PRUNE1: variants seen among roughly 807,000 people sequenced by gnomAD.
PRUNE1 encodes exopolyphosphatase PRUNE1.
Under a neutral mutation model 42.5 loss-of-function variants are expected in PRUNE1, and 25 were observed. That is an observed-to-expected ratio of 0.59 (90% CI 0.43 to 0.82). The LOEUF is 0.82. Among genes scored for constraint, PRUNE1 ranks in the 40% least tolerant of loss-of-function variants. PRUNE1 has a pLI of 0.00. For missense variants in PRUNE1, 443 were observed against 539.3 expected, an observed-to-expected ratio of 0.82 and a Z score of 1.77; for synonymous variants, 203 against 217.1, an observed-to-expected ratio of 0.93 and a Z score of 0.57.
At chr1:151,012,012 C>T (rs1161298238) in intron 1 of PRUNE1, among the ~76,000 whole-genome samples, 3 of 152,012 alleles carry the variant, frequency 2.0e-5, no homozygotes, top group Non-Finnish European at 4.4e-5. Context: ...CTCTTGACCT[C>T]GTGGTCGGCC....
chr1:151,022,578 A>G (rs1038597700), intron 3 of PRUNE1, among the ~76,000 whole-genome samples: 73 of 150,202 alleles, frequency 4.9e-4, no homozygotes, highest in Non-Finnish European at 7.8e-4. Context: ...CCGCCACCAC[A>G]CCTGGCTAAT....
Position 151,034,215 on chromosome 1 carries a change from C to CA in PRUNE1, c.1343_1344insA (p.Ser449LeufsTer16). The stretch of plus-strand genomic sequence containing the variant: ...ATCTCACTGTCACAGTCTACCACAG[C>CA]CTCCCTGTCCAAGAAGTGACTGTTG... On this transcript the variant is annotated frameshift_variant, in exon 8 of 8. Coordinates refer to ENST00000271620, the MANE Select transcript of PRUNE1 (RefSeq NM_021222.3). LOFTEE classifies it high-confidence loss of function. 1.2e-6 allele frequency: 2 copies of CA among 1,611,032 alleles called. No homozygotes were observed. The highest frequency in any genetic ancestry group is 1.7e-6 in the Non-Finnish European group (2 of 1,177,924).
chr1:151,013,135 G>A (rs1333710271), intron 1 of PRUNE1, among the ~76,000 whole-genome samples: 1 of 152,170 alleles, frequency 6.6e-6, no homozygotes, highest in Non-Finnish European at 1.5e-5. Context: ...AAGCAGAGCT[G>A]GAATTCAACC....
Position 151,017,910 on chromosome 1 carries a change from TA to T in PRUNE1, c.132+13del, listed in dbSNP as rs751268455. The T allele has an allele frequency of 6.5e-7, 1 of 1,543,190 alleles. No individual in the cohort carries two copies. Among genetic ancestry groups the T allele is most frequent in the Non-Finnish European group, 9.0e-7 (1 of 1,116,510 alleles). ...TGGCTTTTTACCTAGCAAAGGTGGGTAAAAAAACGTAGTACCTAGGATCTGA... is the reference window on the plus strand; with the variant it reads ...TGGCTTTTTACCTAGCAAAGGTGGGTAAAAAACGTAGTACCTAGGATCTGA... On this transcript the variant is annotated splice_region_variant and intron_variant, in intron 2 of 7. Coordinates refer to ENST00000271620, the MANE Select transcript of PRUNE1 (RefSeq NM_021222.3).
chr1:151,026,032 C>T (rs747424587), intron 5 of PRUNE1, among the ~76,000 whole-genome samples: 10 of 151,778 alleles, frequency 6.6e-5, no homozygotes, highest in Non-Finnish European at 1.2e-4. Flanking sequence ...TGAGCCACCG[C>T]GCCTGGCCAA....
In PRUNE1 at chr1:151,024,763, TC is replaced by T. The variant is rs1558083776; in HGVS notation, c.489del (p.Leu164TrpfsTer38). 6.2e-7 allele frequency: 1 copy of T among 1,613,872 alleles called. No individual in the cohort carries two copies. Among genetic ancestry groups the T allele is most frequent in the Non-Finnish European group, 8.5e-7 (1 of 1,179,880 alleles). ...TERILQGAPE[I>X]LDRQTAALLH... Reference sequence around the variant, plus strand: ...AGAATCCTGCAGGGGGCACCAGAGATCTTGGACAGGCAAACTGCAGCCCTTC... The same window carrying T: ...AGAATCCTGCAGGGGGCACCAGAGATTTGGACAGGCAAACTGCAGCCCTTC... On this transcript the variant is annotated frameshift_variant, in exon 4 of 8. Transcript: ENST00000271620. LOFTEE classifies it high-confidence loss of function.
At chr1:151,021,384 G>A (rs1279514953) in intron 3 of PRUNE1, among the ~76,000 whole-genome samples, 1 of 152,164 alleles carries the variant, frequency 6.6e-6, no homozygotes, top group African/African-American at 2.4e-5. Context: ...GAACATGGGA[G>A]CCAGAGGTTG....
In PRUNE1 at chr1:151,027,346, T is replaced by G; in HGVS notation, c.774+19T>G. ...TTTGGAGGTAAGAGCAAGTTGTGGC[T>G]GTGGGTGGGGAGAGAAAGCCTTTAG... On this transcript the variant is annotated intron_variant, in intron 6 of 7. Transcript: ENST00000271620. 6.4e-7 allele frequency: 1 copy of G among 1,559,564 alleles called. No individual in the cohort carries two copies. Among genetic ancestry groups the G allele is most frequent in the Non-Finnish European group, 8.8e-7 (1 of 1,131,414 alleles).
In PRUNE1 at chr1:151,018,539, A is replaced by G. The variant is rs757172078; in HGVS notation, c.205A>G (p.Ile69Val). Residue 69 changes from isoleucine to valine, a missense_variant, in exon 3 of 8, where the codon ATT (isoleucine) becomes GTT (valine). Ile to Val is a conservative substitution (Grantham distance 29). Coordinates refer to ENST00000271620, the MANE Select transcript of PRUNE1 (RefSeq NM_021222.3). The part of the protein sequence containing the change: ...KRSELPLRGD[I>V]VFFLQKVHIP... ...TTCTGAACTACCTCTGCGAGGTGAC[A>G]TTGTCTTCTTTCTTCAGAAGGTTCA... is the stretch of plus-strand genomic sequence containing the variant. The G allele has an allele frequency of 1.2e-6, 2 of 1,613,726 alleles. No homozygotes were observed. Among genetic ancestry groups the G allele is most frequent in the Non-Finnish European group, 1.7e-6 (2 of 1,179,656 alleles).
chr1:151,017,825 T>C lies in PRUNE1; in HGVS notation c.53T>C (p.Leu18Pro). Residue 18 changes from leucine to proline, a missense_variant, in exon 2 of 8, where the codon CTA (leucine) becomes CCA (proline). Physicochemically the swap from Leu to Pro is moderately conservative, Grantham distance 98. Coordinates refer to ENST00000271620, the MANE Select transcript of PRUNE1 (RefSeq NM_021222.3). ...CTTTCTCTCCAGGAGTCCCGACCTC[T>C]ACATGTTGTGCTGGGAAATGAAGCC... Reference protein sequence around the residue: ...CRAALQESRPLHVVLGNEACD... With the variant: ...CRAALQESRPPHVVLGNEACD... 2 of 1,596,630 alleles carry C rather than the reference T, an allele frequency of 1.3e-6. No homozygotes were observed. Among genetic ancestry groups the C allele is most frequent in the Non-Finnish European group, 1.7e-6 (2 of 1,164,320 alleles).
rs1241181494 is a variant in PRUNE1, at chr1:151,008,495, T to C, written c.-138T>C. The stretch of plus-strand genomic sequence containing the variant: ...CGGGGTCGGAGGCCGATTCGCCGTG[T>C]GGCGGGTTCGAGTCCCGCCTCCTGA... On this transcript the variant is annotated 5_prime_UTR_variant, in exon 1 of 8. Coordinates refer to ENST00000271620, the MANE Select transcript of PRUNE1 (RefSeq NM_021222.3). The C allele has an allele frequency of 8.0e-7, 1 of 1,255,360 alleles. No individual in the cohort carries two copies. The highest frequency in any genetic ancestry group is 1.5e-5 in the African/African-American group (1 of 67,670). The allele number at this position is 1,255,360 out of a possible 1,614,324, so 77.8% of individuals were successfully genotyped here.
At chr1:151,027,146 C>T (rs1571805837) in intron 5 of PRUNE1, 87 bp from the exon 6 acceptor site, 2 of 883,840 alleles carry the variant, frequency 2.3e-6, no homozygotes, top group South Asian at 1.5e-5. Flanking sequence ...GTTTTTCCTT[C>T]CTTGACCCAT....
chr1:151,027,400 C>T (rs887411280), intron 6 of PRUNE1, 73 bp downstream of exon 6: 24 of 1,091,004 alleles, frequency 2.2e-5, no homozygotes, highest in Non-Finnish European at 3.3e-5. Context: ...TGGCCTTGCA[C>T]CTCATTCCTG....
intron 1 of PRUNE1, among the ~76,000 whole-genome samples, chr1:151,009,805 T>C (rs1673638387): frequency 6.6e-6 from 1 of 151,926 alleles, no homozygotes. Context: ...ATTTGGGGAG[T>C]TATTTCAATG....
At chr1:151,029,932 C>T (rs1675137486) in intron 7 of PRUNE1, among the ~76,000 whole-genome samples, 1 of 151,944 alleles carries the variant, frequency 6.6e-6, no homozygotes, top group South Asian at 2.1e-4. Flanking sequence ...CCCTTCTGTT[C>T]CTCTGCTGGT....
At chr1:151,024,916 C>A (rs1674730095) in intron 4 of PRUNE1, 121 bp downstream of exon 4, 1 of 1,031,692 alleles carries the variant, frequency 9.7e-7, no homozygotes. Context: ...CAGCTCATAC[C>A]AAAAGATAGG....
Position 151,024,639 on chromosome 1 carries a change from G to A in PRUNE1, c.364G>A (p.Ala122Thr). 6.2e-7 allele frequency: 1 copy of A among 1,612,202 alleles called. No homozygotes were observed. The highest frequency in any genetic ancestry group is 8.5e-7 in the Non-Finnish European group (1 of 1,178,214). ...TGACACAGCCCTAGAGGAGGCAGTA[G>A]CAGAGGTGCTAGACCATCGACCCAT... ...KSDTALEEAV[A>T]EVLDHRPIEP... The change falls in exon 4 of 8, where the codon GCA (alanine) becomes ACA (threonine). Residue 122 changes from alanine to threonine, a missense_variant. Transcript: ENST00000271620.
chr1:151,022,108 A>AT (rs60255032), intron 3 of PRUNE1, among the ~76,000 whole-genome samples: 21,785 of 125,718 alleles, frequency 0.17, 2,333 homozygotes, highest in East Asian at 0.41. Flanking sequence ...TTCCTGGCTA[A>AT]TTTTTTTTTT....
rs1177264544 is a variant in PRUNE1 at position 151,034,240 on chromosome 1, G to C, written c.*6G>C. 1 of 1,600,410 alleles carries C rather than the reference G, an allele frequency of 6.2e-7. No homozygotes were observed. The highest frequency in any genetic ancestry group is 8.5e-7 in the Non-Finnish European group (1 of 1,169,838). On this transcript the variant is annotated 3_prime_UTR_variant, in exon 8 of 8. Coordinates refer to ENST00000271620, the MANE Select transcript of PRUNE1 (RefSeq NM_021222.3). ...CCTCCCTGTCCAAGAAGTGACTGTT[G>C]AGAGGCGAGGAGGTAGTGGGTGAGG...
Sources: allele counts gnomAD v4.1 joint callset (sites outside exome capture counted in the v4.1 genomes callset), GRCh38; gene constraint gnomAD v4.1.1; transcripts MANE v1.5; gene names NCBI Gene and HGNC (gene_info 2026-07-23, HGNC 2026-07-21).